Variants in GRM7 observed in about 807,000 individuals in gnomAD.
GRM7 encodes glutamate metabotropic receptor 7.
Under a neutral mutation model 84.5 loss-of-function variants are expected in GRM7, and 35 were observed. The observed-to-expected ratio is 0.41, with a 90% CI of 0.32 to 0.55. The LOEUF is 0.55. GRM7 is among the 20% of genes least tolerant of loss of function. GRM7 has a pLI of 0.19. For synonymous variants in GRM7, 487 were observed against 455.1 expected, an observed-to-expected ratio of 1.07 and a Z score of -0.89; for missense variants, 1,003 against 1,194.6, an observed-to-expected ratio of 0.84 and a Z score of 2.36.
chr3:7,000,706 G>C (rs903804576), intron 1 of GRM7, among the ~76,000 whole-genome samples: 2 of 152,128 alleles, frequency 1.3e-5, no homozygotes, highest in Non-Finnish European at 2.9e-5. Flanking sequence ...ATGCACTTTG[G>C]CATTTCTTTT....
chr3:6,873,997 A>G (rs1398223309), intron 1 of GRM7, among the ~76,000 whole-genome samples: 1 of 152,240 alleles, frequency 6.6e-6, no homozygotes, highest in Non-Finnish European at 1.5e-5. Context: ...TAGTTTAGTA[A>G]TTGAGACCAA....
intron 2 of GRM7, among the ~76,000 whole-genome samples, chr3:7,280,310 C>T (rs1340998354): frequency 6.6e-6 from 1 of 152,190 alleles, no homozygotes; most frequent in Non-Finnish European, 1.5e-5. Context: ...TACTTCTTGT[C>T]ATACTTTTTG....
intron 2 of GRM7, among the ~76,000 whole-genome samples, chr3:7,186,158 A>G (rs1257198840): frequency 6.6e-6 from 1 of 152,234 alleles, no homozygotes; most frequent in Non-Finnish European, 1.5e-5. Flanking sequence ...GCTACTTAGC[A>G]CCTGCTTCTT....
chr3:7,367,470 G>C (rs1693943896), intron 4 of GRM7, among the ~76,000 whole-genome samples: 2 of 151,822 alleles, frequency 1.3e-5, no homozygotes, highest in Admixed American at 1.3e-4. Flanking sequence ...AATATAGTTA[G>C]AATTATTGAC....
chr3:7,701,236 A>T (rs1283228936), intron 9 of GRM7, among the ~76,000 whole-genome samples: 1 of 151,478 alleles, frequency 6.6e-6, no homozygotes, highest in Non-Finnish European at 1.5e-5. Flanking sequence ...CAATGCCATT[A>T]ATTCTCCTTG....
In GRM7 at chr3:7,439,004, G is replaced by A. The variant is rs544927195; in HGVS notation, c.1175-13603G>A. Among the ~76,000 whole-genome samples the A allele has an allele frequency of 6.6e-5, 10 of 152,180 alleles. No individual in the cohort carries two copies. The South Asian group carries it at 1.0e-3, about 16-fold the overall frequency. ...GATGTAGAATTCGGAAGTCTATATC[G>A]CAGATACAAAGCATAAGTTCATCAG... On this transcript the variant is annotated intron_variant, in intron 5 of 9. Coordinates refer to ENST00000357716, the MANE Select transcript of GRM7 (RefSeq NM_000844.4).
At chr3:7,721,224 T>C (rs907127010) in intron 9 of GRM7, among the ~76,000 whole-genome samples, 3 of 152,218 alleles carry the variant, frequency 2.0e-5, no homozygotes, top group Non-Finnish European at 4.4e-5. Context: ...TTTGGCAATA[T>C]TGGTTTTTTC....
At chr3:7,229,503 C>T (rs1327342573) in intron 2 of GRM7, among the ~76,000 whole-genome samples, 1 of 151,466 alleles carries the variant, frequency 6.6e-6, no homozygotes, top group Admixed American at 6.6e-5. Context: ...CGTTAAATTA[C>T]CTCTCATCTG....
chr3:7,403,293 G>A lies in GRM7; in HGVS notation c.1034-11730G>A, dbSNP rs60254500. ...CACATGAAAGTGATTATGATAATTT[G>A]CTATAATTCCTAAAAAAACTTGCTT... On this transcript the variant is annotated intron_variant, in intron 4 of 9. Transcript: ENST00000357716. The A allele has an allele frequency of 9.8e-3, 1,851 of 189,570 alleles. 18 individuals carry two copies. Among genetic ancestry groups the A allele is most frequent in the African/African-American group, 0.024 (987 of 41,842 alleles). 11.7% of individuals were successfully genotyped at this position (189,570 alleles called of 1,614,324 possible).
Position 7,359,220 on chromosome 3 carries a change from T to TTGTGTGTGTGTGTGTGTGTGTGTGTGTG in GRM7, c.1033+52576_1033+52603dup, listed in dbSNP as rs34535570. On this transcript the variant is annotated intron_variant, in intron 4 of 9. Transcript: ENST00000357716. The stretch of plus-strand genomic sequence containing the variant: ...TTACCATTTGGTAGGGTGTTTGTGT[T>TTGTGTGTGTGTGTGTGTGTGTGTGTGTG]TGTGTGTGTGTGTGTGTGTGTGTGT... 1.3e-3 allele frequency among the ~76,000 whole-genome samples: 175 copies of TTGTGTGTGTGTGTGTGTGTGTGTGTGTG among 133,238 alleles called. 4 individuals carry two copies. Among genetic ancestry groups the TTGTGTGTGTGTGTGTGTGTGTGTGTGTG allele is most frequent in the Admixed American group, 4.5e-3 (59 of 13,250 alleles). 87.4% of individuals were successfully genotyped at this position (133,238 alleles called of 152,430 possible).
chr3:7,279,183 C>T (rs1251909930), intron 2 of GRM7, among the ~76,000 whole-genome samples: 1 of 152,088 alleles, frequency 6.6e-6, no homozygotes, highest in Non-Finnish European at 1.5e-5. Flanking sequence ...GTAGAGGTAT[C>T]AAAATCTTAT....
chr3:7,733,421 T>C (rs1702394484), intron 9 of GRM7, among the ~76,000 whole-genome samples: 1 of 152,302 alleles, frequency 6.6e-6, no homozygotes, highest in African/African-American at 2.4e-5. Context: ...CTGAATAAGA[T>C]GTTTGTTTCT....
intron 9 of GRM7, among the ~76,000 whole-genome samples, chr3:7,708,876 T>C (rs1287827267): frequency 6.6e-6 from 1 of 151,508 alleles, no homozygotes; most frequent in Non-Finnish European, 1.5e-5. Context: ...TAAACAAATA[T>C]AAAAATAGAA....
intron 9 of GRM7, among the ~76,000 whole-genome samples, chr3:7,730,991 C>G (rs1702309537): frequency 6.6e-6 from 1 of 152,054 alleles, no homozygotes; most frequent in South Asian, 2.1e-4. Flanking sequence ...AAGACAGAGA[C>G]TTTGTCTGTT....
chr3:7,030,130 G>A (rs1480479373), intron 1 of GRM7, among the ~76,000 whole-genome samples: 1 of 152,076 alleles, frequency 6.6e-6, no homozygotes. Context: ...GACTATCAAG[G>A]CAAACATCAA....
chr3:7,086,829 A>T (rs1033267182), intron 1 of GRM7, among the ~76,000 whole-genome samples: 1 of 152,248 alleles, frequency 6.6e-6, no homozygotes, highest in Non-Finnish European at 1.5e-5. Flanking sequence ...TCCAGGCTCA[A>T]AATCTCAGGA....
rs1055449000 is a variant in GRM7, at chr3:7,604,144, A to T, written c.2451+24787A>T. Among the ~76,000 whole-genome samples, 103 of 152,118 alleles carry T rather than the reference A, an allele frequency of 6.8e-4. 2 individuals carry two copies. Among genetic ancestry groups the T allele is most frequent in the Admixed American group, 5.3e-3 (81 of 15,258 alleles). ...TAGAAGGGTTTGTTCTTAAAAAAAAAAAAAAGCATAACTTTCCATTGGAGA... is the reference window on the plus strand; with the variant it reads ...TAGAAGGGTTTGTTCTTAAAAAAAATAAAAAGCATAACTTTCCATTGGAGA... On this transcript the variant is annotated intron_variant, in intron 8 of 9. Transcript: ENST00000357716.
At chr3:7,112,390 A>G (rs546956705) in intron 1 of GRM7, among the ~76,000 whole-genome samples, 209 of 151,706 alleles carry the variant, frequency 1.4e-3, no homozygotes, top group African/African-American at 4.6e-3. Flanking sequence ...ATGCTTCTTT[A>G]ATTTTTTGTA....
At chr3:7,659,540 T>C (rs1356649514) in intron 8 of GRM7, among the ~76,000 whole-genome samples, 11 of 152,170 alleles carry the variant, frequency 7.2e-5, no homozygotes, top group Admixed American at 6.5e-4. Context: ...TCATAGGTTA[T>C]AAAATACATC....
Sources: allele counts gnomAD v4.1 joint callset (sites outside exome capture counted in the v4.1 genomes callset), GRCh38; gene constraint gnomAD v4.1.1; transcripts MANE v1.5; gene names NCBI Gene and HGNC (gene_info 2026-07-23, HGNC 2026-07-21).